Variants in SIRPD observed in about 807,000 individuals in gnomAD.
SIRPD encodes the protein signal regulatory protein delta.
Under a neutral mutation model 18.0 loss-of-function variants are expected in SIRPD, and 21 were observed. That is an observed-to-expected ratio of 1.17 (90% CI 0.83 to 1.68). The LOEUF (loss-of-function observed/expected upper bound fraction) is 1.68, where lower values mean the gene tolerates loss of function less well. Ranked by LOEUF, SIRPD falls within the 40% of genes most tolerant of loss-of-function variation. The pLI is 0.00. For synonymous variants in SIRPD, 106 were observed against 92.9 expected (o/e 1.14, Z -0.81); for missense variants, 295 against 238.4 (o/e 1.24, Z -1.56).
intron 2 of SIRPD, among the ~76,000 whole-genome samples, chr20:1,544,813 G>A (rs935595341): frequency 3.9e-5 from 6 of 152,112 alleles, no homozygotes; most frequent in African/African-American, 1.4e-4. Flanking sequence ...GGCAGGCCTG[G>A]TGGTGACAAA....
At chr20:1,545,145 A>G (rs1191572638) in intron 2 of SIRPD, among the ~76,000 whole-genome samples, 2 of 152,078 alleles carry the variant, frequency 1.3e-5, no homozygotes, top group Non-Finnish European at 2.9e-5. Flanking sequence ...TATTTCCTGA[A>G]TTTGAATATT....
Position 1,551,935 on chromosome 20 carries a change from A to G in SIRPD, c.177T>C (p.Asn59=). The change falls in exon 2 of 4, where the codon AAT becomes AAC. Residue 59 remains asparagine (N), a synonymous_variant. Coordinates refer to ENST00000381623, the MANE Select transcript of SIRPD (RefSeq NM_178460.3). The part of the protein sequence containing the change: ...LSCSVPNTLP[N]GPVLWFKGTG... The stretch of plus-strand genomic sequence containing the variant: ...TTCCCTTGAACCACAAGACAGGTCC[A>G]TTTGGTAAGGTATTGGGTACGCTGC... 6.2e-7 allele frequency: 1 copy of G among 1,614,108 alleles called. No individual in the cohort carries two copies. The highest frequency in any genetic ancestry group is 1.7e-5 in the Admixed American group (1 of 60,016).
At chr20:1,541,469 A>G (rs2123122565) in intron 2 of SIRPD, among the ~76,000 whole-genome samples, 1 of 152,098 alleles carries the variant, frequency 6.6e-6, no homozygotes, top group East Asian at 1.9e-4. Flanking sequence ...TCCTTCGCCC[A>G]CTTTTTGATG....
chr20:1,534,406 C>G lies in SIRPD; in HGVS notation c.*19G>C. On this transcript the variant is annotated 3_prime_UTR_variant, in exon 4 of 4. Coordinates refer to ENST00000381623, the MANE Select transcript of SIRPD (RefSeq NM_178460.3). ...TGGGGGCTTTTGTTATTTACTTGTA[C>G]GTTCCTTCCCTGTTTGGATTATTTT... 1.2e-6 allele frequency: 2 copies of G among 1,612,116 alleles called. No homozygotes were observed. The highest frequency in any genetic ancestry group is 1.7e-6 in the Non-Finnish European group (2 of 1,179,640).
intron 2 of SIRPD, among the ~76,000 whole-genome samples, chr20:1,538,548 T>C (rs1353323194): frequency 6.6e-6 from 1 of 152,216 alleles, no homozygotes; most frequent in Non-Finnish European, 1.5e-5. Flanking sequence ...GGCAGGTCTG[T>C]GACTGCAACA....
chr20:1,550,112 G>T (rs1216210018), intron 2 of SIRPD, among the ~76,000 whole-genome samples: 1 of 152,266 alleles, frequency 6.6e-6, no homozygotes, highest in African/African-American at 2.4e-5. Flanking sequence ...GTCTACCTGG[G>T]TTCCAGTACC....
In SIRPD at chr20:1,534,440, G is replaced by A. The variant is rs145069483; in HGVS notation, c.579C>T (p.Gly193=). Reference sequence around the variant, plus strand: ...CCTGTTTGGATTATTTTGACAGCAAGCCTGAAATACAATAAAAATAAAATA... The same window carrying A: ...CCTGTTTGGATTATTTTGACAGCAAACCTGAAATACAATAAAAATAAAATA... ...CCCLRLLGLT[G]LLSK Residue 193 remains glycine (G), a splice_region_variant and synonymous_variant, in exon 4 of 4, where the codon GGC becomes GGT. Transcript: ENST00000381623. The A allele has an allele frequency of 5.0e-5, 80 of 1,611,432 alleles. No individual in the cohort carries two copies. The highest frequency in any genetic ancestry group is 4.1e-5 in the Non-Finnish European group (48 of 1,178,942).
At chr20:1,554,451 A>G (rs1489732637) in intron 1 of SIRPD, 1 of 152,552 alleles carries the variant, frequency 6.6e-6, no homozygotes, top group Non-Finnish European at 1.5e-5. Flanking sequence ...GCTGGGTGCC[A>G]TGTGAGGTGA....
chr20:1,537,068 C>T (rs951851659), intron 3 of SIRPD, 87 bp downstream of exon 3: 59 of 1,488,176 alleles, frequency 4.0e-5, no homozygotes, highest in African/African-American at 6.9e-5. Flanking sequence ...GAGATTCATC[C>T]GCCCCACTGC....
intron 2 of SIRPD, among the ~76,000 whole-genome samples, chr20:1,540,508 T>C (rs747890046): frequency 1.3e-5 from 2 of 152,238 alleles, no homozygotes; most frequent in Non-Finnish European, 2.9e-5. Context: ...ATGCCTTTCA[T>C]GTAATAACCT....
rs979531991 is a variant in SIRPD at position 1,534,457 on chromosome 20, A to C, written c.578-16T>G. On this transcript the variant is annotated splice_polypyrimidine_tract_variant and intron_variant, in intron 3 of 3. Transcript: ENST00000381623. ...GACAGCAAGCCTGAAATACAATAAA[A>C]ATAAAATAAAATAAAACATTTCTCC... 5.6e-5 allele frequency: 89 copies of C among 1,599,736 alleles called. No homozygotes were observed. The highest frequency in any genetic ancestry group is 7.3e-5 in the Non-Finnish European group (86 of 1,170,560).
intron 2 of SIRPD, among the ~76,000 whole-genome samples, chr20:1,545,486 T>C (rs953839140): frequency 6.6e-6 from 1 of 152,220 alleles, no homozygotes; most frequent in African/African-American, 2.4e-5. Flanking sequence ...TGTTCTTCTC[T>C]AAACTGGTTA....
intron 2 of SIRPD, among the ~76,000 whole-genome samples, chr20:1,545,134 G>A (rs1269644250): frequency 6.6e-6 from 1 of 152,288 alleles, no homozygotes; most frequent in East Asian, 1.9e-4. Flanking sequence ...GGTGCTCTCT[G>A]TATTTCCTGA....
At chr20:1,541,726 T>A (rs11697990) in intron 2 of SIRPD, among the ~76,000 whole-genome samples, 8,094 of 152,308 alleles carry the variant, frequency 0.053, 306 homozygotes, top group Middle Eastern at 0.095. Context: ...GCCTATGTCC[T>A]GAATGGTATT....
chr20:1,550,352 C>A (rs1369239508), intron 2 of SIRPD, among the ~76,000 whole-genome samples: 1 of 152,164 alleles, frequency 6.6e-6, no homozygotes, highest in East Asian at 1.9e-4. Flanking sequence ...CCCTAGAACT[C>A]ATTTGTGAAG....
intron 2 of SIRPD, among the ~76,000 whole-genome samples, chr20:1,544,570 C>T (rs530061654): frequency 9.2e-5 from 14 of 151,958 alleles, no homozygotes; most frequent in Non-Finnish European, 2.1e-4. Flanking sequence ...ACTCTTTATC[C>T]AATTTGCCAG....
intron 1 of SIRPD, among the ~76,000 whole-genome samples, chr20:1,553,457 T>A (rs1319634423): frequency 6.6e-6 from 1 of 152,162 alleles, no homozygotes; most frequent in Admixed American, 6.5e-5. Flanking sequence ...AAACTTCACC[T>A]ATGTTGAGAT....
At chr20:1,554,554 C>T (rs1319782406) in intron 1 of SIRPD, among the ~76,000 whole-genome samples, 1 of 152,060 alleles carries the variant, frequency 6.6e-6, no homozygotes, top group East Asian at 1.9e-4. Context: ...ACTAAATAAA[C>T]ATATTTTAAA....
chr20:1,551,922 A>G lies in SIRPD; in HGVS notation c.190T>C (p.Trp64Arg). 10 of 1,614,074 alleles carry G rather than the reference A, an allele frequency of 6.2e-6. No homozygotes were observed. The highest frequency in any genetic ancestry group is 8.5e-6 in the Non-Finnish European group (10 of 1,179,944). Residue 64 changes from tryptophan (W) to arginine (R), a missense_variant, in exon 2 of 4, where the codon TGG becomes CGG. By Grantham distance (101) the Trp-to-Arg change is moderately radical. Transcript: ENST00000381623. ...PNTLPNGPVLWFKGTGPNRKL... is the reference protein window; with the variant it reads ...PNTLPNGPVLRFKGTGPNRKL... ...CGGTTTGGCCCTGTTCCCTTGAACC[A>G]CAAGACAGGTCCATTTGGTAAGGTA...
Sources: gnomAD v4.1 joint callset for allele counts (sites outside exome capture counted in the v4.1 genomes callset) on GRCh38, gnomAD v4.1.1 for gene constraint, MANE v1.5 for transcripts, NCBI Gene and HGNC (gene_info 2026-07-23, HGNC 2026-07-21) for gene names.